Variants in MYH11 observed in about 807,000 individuals in gnomAD.
The protein encoded by MYH11 is myosin-11.
Under a neutral mutation model 246.6 loss-of-function variants are expected in MYH11, and 80 were observed. That is an observed-to-expected ratio of 0.32 (90% CI 0.27 to 0.39). The LOEUF is 0.39. MYH11 is among the 10% of genes least tolerant of loss of function. The pLI is 1.00. For synonymous variants in MYH11, 1,071 were observed against 1,015.5 expected, an observed-to-expected ratio of 1.05 and a Z score of -1.04; for missense variants, 2,158 against 2,546.8, an observed-to-expected ratio of 0.85 and a Z score of 3.29.
chr16:15,775,071 C>G (rs2042188861), intron 8 of MYH11, among the ~76,000 whole-genome samples: 1 of 152,196 alleles, frequency 6.6e-6, no homozygotes, highest in Admixed American at 6.5e-5. Flanking sequence ...ATTTCAGACT[C>G]AAAACTTATT....
intron 4 of MYH11, among the ~76,000 whole-genome samples, chr16:15,797,884 G>C (rs987709777): frequency 1.3e-5 from 2 of 151,932 alleles, no homozygotes; most frequent in African/African-American, 4.8e-5. Flanking sequence ...GTGGCTTTTT[G>C]TTAGTTATTT....
At chr16:15,806,955 G>GCT (rs1555454889) in intron 3 of MYH11, among the ~76,000 whole-genome samples, 1 of 138,264 alleles carries the variant, frequency 7.2e-6, no homozygotes, top group African/African-American at 3.0e-5. Flanking sequence ...AATAAGATCT[G>GCT]CTTTTTTTTT....
At chr16:15,752,440 T>A (rs2041596929) in intron 15 of MYH11, among the ~76,000 whole-genome samples, 1 of 152,006 alleles carries the variant, frequency 6.6e-6, no homozygotes, top group Non-Finnish European at 1.5e-5. Flanking sequence ...GATCATCTAT[T>A]CACTGGTTCT....
intron 1 of MYH11, among the ~76,000 whole-genome samples, chr16:15,851,544 C>T (rs1050445221): frequency 5.3e-5 from 8 of 152,018 alleles, no homozygotes; most frequent in African/African-American, 1.9e-4. Flanking sequence ...AATGGACACC[C>T]GATTAATTCT....
intron 37 of MYH11, chr16:15,717,694 G>C (rs1200166438): frequency 5.2e-6 from 2 of 383,908 alleles, no homozygotes; most frequent in Non-Finnish European, 9.7e-6. Context: ...TACTTGGGAG[G>C]TTGAAGCAGG....
intron 39 of MYH11, 25 bp from the exon 40 acceptor site, chr16:15,715,106 G>GT: frequency 6.2e-7 from 1 of 1,602,666 alleles, no homozygotes; most frequent in Non-Finnish European, 8.5e-7. Flanking sequence ...TGGAGGGGTG[G>GT]TTAGGGGAGG....
intron 2 of MYH11, among the ~76,000 whole-genome samples, chr16:15,834,912 T>G (rs959179329): frequency 6.2e-4 from 4 of 6,488 alleles, no homozygotes; most frequent in Non-Finnish European, 1.1e-3. Context: ...TCTACAGAAG[T>G]TTTTTTTTTT....
At chr16:15,730,859 A>G (rs997664367) in intron 27 of MYH11, among the ~76,000 whole-genome samples, 3 of 152,194 alleles carry the variant, frequency 2.0e-5, no homozygotes, top group African/African-American at 7.2e-5. Context: ...CGGTACTGCT[A>G]TTTACCAGCT....
chr16:15,721,584 G>A lies in MYH11; in HGVS notation c.4416C>T (p.Asp1472=). 1 of 1,614,178 alleles carries A rather than the reference G, an allele frequency of 6.2e-7. No homozygotes were observed. The highest frequency in any genetic ancestry group is 1.1e-5 in the South Asian group (1 of 91,088). The change falls in exon 32 of 41, where the codon GAC becomes GAT. Residue 1472 remains aspartate (D), a synonymous_variant. Transcript: ENST00000300036. ...TCTCCCTGGCTTCTGCCTCAGCTCTGTCCCTCTCATCCGCGTATTTGGAAG... is the reference window on the plus strand; with the variant it reads ...TCTCCCTGGCTTCTGCCTCAGCTCTATCCCTCTCATCCGCGTATTTGGAAG... ...NISSKYADER[D]RAEAEAREKE...
chr16:15,832,271 A>G (rs557460751), intron 2 of MYH11, among the ~76,000 whole-genome samples: 16 of 152,268 alleles, frequency 1.1e-4, no homozygotes, highest in African/African-American at 3.6e-4. Context: ...TGGAGTTCCA[A>G]TGAGCAGGGG....
At chr16:15,764,959 C>A (rs2041949490) in intron 9 of MYH11, among the ~76,000 whole-genome samples, 1 of 152,230 alleles carries the variant, frequency 6.6e-6, no homozygotes, top group African/African-American at 2.4e-5. Flanking sequence ...TACTTGGAAC[C>A]TTTCTGACTC....
chr16:15,763,841 T>C lies in MYH11; in HGVS notation c.1084A>G (p.Lys362Glu), dbSNP rs770277568. 2 of 1,612,930 alleles carry C rather than the reference T, an allele frequency of 1.2e-6. No homozygotes were observed. The highest frequency in any genetic ancestry group is 1.7e-6 in the Non-Finnish European group (2 of 1,179,568). The change falls in exon 10 of 41, where the codon AAG becomes GAG. Residue 362 changes from lysine (K) to glutamate (E), a missense_variant. Physicochemically the swap from Lys to Glu is moderately conservative, Grantham distance 56. Around this residue, in one of 11 missense-constraint regions of MYH11, gnomAD observed 317 missense variants for 507.7 expected, o/e 0.62. Transcript: ENST00000300036. ...SVLQLGNIVF[K>E]KERNTDQASM... is the part of the protein sequence containing the mutation. The stretch of plus-strand genomic sequence containing the variant: ...GCCTGGTCTGTGTTTCTTTCCTTCT[T>C]GAAGACGATATTTCCAAGCTGCAGG...
rs148316573 is a variant in MYH11, at chr16:15,854,625, C to T, written c.-18+2316G>A. On this transcript the variant is annotated intron_variant, in intron 1 of 40. Coordinates refer to ENST00000300036, the MANE Select transcript of MYH11 (RefSeq NM_002474.3). ...AGTTATTCTCATTAGCCCCATTTCC[C>T]GGATGAGAAAGTGAGGTTTGGGGAG... 5.9e-5 allele frequency among the ~76,000 whole-genome samples: 9 copies of T among 152,250 alleles called. No homozygotes were observed. The South Asian group carries it at 6.2e-4, about 11-fold the overall frequency.
chr16:15,756,937 T>C (rs2041739191), intron 13 of MYH11, among the ~76,000 whole-genome samples: 1 of 150,316 alleles, frequency 6.7e-6, no homozygotes, highest in African/African-American at 2.5e-5. Flanking sequence ...TAGCTGGGAC[T>C]ACAGGCGCCT....
At chr16:15,790,665 A>G (rs925132702) in intron 4 of MYH11, among the ~76,000 whole-genome samples, 1 of 152,018 alleles carries the variant, frequency 6.6e-6, no homozygotes, top group Non-Finnish European at 1.5e-5. Context: ...CTCCTTTCTT[A>G]TTTCTTGGGG....
chr16:15,842,762 CAAAAAAAAA>C (rs757920488), intron 1 of MYH11, among the ~76,000 whole-genome samples: 1,211 of 19,632 alleles, frequency 0.062, 20 homozygotes, highest in African/African-American at 0.11. Flanking sequence ...AGACTTCATC[CAAAAAAAAA>C]AAAAAAAAAA....
chr16:15,758,067 C>A, intron 12 of MYH11, 67 bp from the exon 13 acceptor site: 1 of 1,608,010 alleles, frequency 6.2e-7, no homozygotes, highest in Non-Finnish European at 8.5e-7. Context: ...AGGAGCCCCA[C>A]AGAAGCTCCA....
chr16:15,770,314 T>A (rs942003919), intron 9 of MYH11, among the ~76,000 whole-genome samples: 1 of 152,126 alleles, frequency 6.6e-6, no homozygotes, highest in African/African-American at 2.4e-5. Context: ...GCAACCTCAG[T>A]GCTATTCTGG....
rs145810355 is a variant in MYH11, at chr16:15,823,292, G to A, written c.465C>T (p.Tyr155=). The A allele has an allele frequency of 1.7e-5, 28 of 1,614,084 alleles. No homozygotes were observed. The highest frequency in any genetic ancestry group is 2.3e-5 in the Non-Finnish European group (27 of 1,180,056). The change falls in exon 3 of 41, where the codon TAC becomes TAT. Residue 155 remains tyrosine, a synonymous_variant. Coordinates refer to ENST00000300036, the MANE Select transcript of MYH11 (RefSeq NM_002474.3). ...TCCGGTAGGCCGTGTCTGCGATGGC[G>A]TAGATGTGAGGCGGCATCTCGTGCC... is the stretch of plus-strand genomic sequence containing the variant. The part of the protein sequence containing the change: ...KKRHEMPPHI[Y]AIADTAYRSM...
Sources: gnomAD v4.1 joint callset for allele counts (sites outside exome capture counted in the v4.1 genomes callset) on GRCh38, gnomAD v4.1.1 for gene constraint, gnomAD v4.1.1 regional missense constraint, MANE v1.5 for transcripts, NCBI Gene and HGNC (gene_info 2026-07-23, HGNC 2026-07-21) for gene names.